EML1: variants seen among roughly 807,000 people sequenced by gnomAD.
EML1 encodes echinoderm microtubule-associated protein-like 1.
In EML1, 27 loss-of-function variants were observed where a neutral mutation model predicts 110.4. The observed-to-expected ratio is 0.24, with a 90% confidence interval of 0.18 to 0.34. EML1 has a LOEUF of 0.34. Among genes scored for constraint, EML1 ranks in the 10% least tolerant of loss-of-function variants. The pLI, the probability that EML1 is intolerant of heterozygous loss-of-function variation, is 1.00. For synonymous variants in EML1, 344 were observed against 385.8 expected, an observed-to-expected ratio of 0.89 and a Z score of 1.27; for missense variants, 741 against 1,030.9, an observed-to-expected ratio of 0.72 and a Z score of 3.85.
rs34680462 is a variant in EML1 at position 99,787,268 on chromosome 14, C to CTTTTT, written c.-27+13272_-27+13276dup. 2.0e-4 allele frequency among the ~76,000 whole-genome samples: 20 copies of CTTTTT among 101,606 alleles called. 1 individual carries two copies. Among genetic ancestry groups the CTTTTT allele is most frequent in the East Asian group, 5.9e-4 (2 of 3,386 alleles). The allele number at this position is 101,606 out of a possible 152,430, so 66.7% of individuals were successfully genotyped here. On this transcript the variant is annotated intron_variant, in intron 1 of 22. Transcript: ENST00000327921. ...ATAGTCAATTCTTGACTCTGAGATTCTTTTTTTTTTTTTTTTTTTTTGAGA... is the reference window on the plus strand; with the variant it reads ...ATAGTCAATTCTTGACTCTGAGATTCTTTTTTTTTTTTTTTTTTTTTTTTTTGAGA...
chr14:99,802,534 A>G (rs573180431), intron 1 of EML1, among the ~76,000 whole-genome samples: 32 of 151,978 alleles, frequency 2.1e-4, no homozygotes, highest in African/African-American at 6.8e-4. Flanking sequence ...CTTAGTGGGT[A>G]ACATCCTGTA....
At chr14:99,798,696 CT>C (rs1222914767) in intron 1 of EML1, among the ~76,000 whole-genome samples, 1 of 152,136 alleles carries the variant, frequency 6.6e-6, no homozygotes. Flanking sequence ...CTGGCCTATA[CT>C]TCTAATAATG....
At chr14:99,788,964 A>ACATGCTGATACATG (rs1237161551), upstream of EML1, among the ~76,000 whole-genome samples, 1 of 152,118 alleles carries the variant, frequency 6.6e-6, no homozygotes, top group Non-Finnish European at 1.5e-5. Flanking sequence ...ATGTCTTGAT[A>ACATGCTGATACATG]CATGCTGATA....
intron 8 of EML1, chr14:99,899,397 C>G (rs1302667300): frequency 6.6e-6 from 1 of 151,884 alleles, no homozygotes; most frequent in African/African-American, 2.4e-5. Flanking sequence ...GTCATTGCCA[C>G]CTCTGCCCCC....
chr14:99,901,573 C>A (rs1043489617), intron 9 of EML1, among the ~76,000 whole-genome samples: 1 of 152,164 alleles, frequency 6.6e-6, no homozygotes, highest in Non-Finnish European at 1.5e-5. Flanking sequence ...ATGACTATTT[C>A]TTGATGATAT....
chr14:99,856,080 C>T (rs1213770885), intron 2 of EML1, among the ~76,000 whole-genome samples: 2 of 152,168 alleles, frequency 1.3e-5, no homozygotes, highest in Non-Finnish European at 2.9e-5. Flanking sequence ...CACCCCTCCA[C>T]GTTTCTGTGA....
At chr14:99,883,939 C>T (rs1217264313) in intron 4 of EML1, among the ~76,000 whole-genome samples, 1 of 152,192 alleles carries the variant, frequency 6.6e-6, no homozygotes, top group Non-Finnish European at 1.5e-5. Context: ...ATCTTTTTGC[C>T]CTGATCACTA....
At chr14:99,796,435 T>C (rs1457964372) in intron 1 of EML1, among the ~76,000 whole-genome samples, 1 of 152,026 alleles carries the variant, frequency 6.6e-6, no homozygotes, top group Non-Finnish European at 1.5e-5. Context: ...AGAAAATGTG[T>C]GCATTGTTTT....
intron 1 of EML1, chr14:99,850,096 ATTTT>A: frequency 6.4e-6 from 2 of 312,822 alleles, no homozygotes; most frequent in South Asian, 2.6e-5. Flanking sequence ...CACCTGGCTA[ATTTT>A]TTTTTTTTTT....
chr14:99,751,063 T>G (rs2057169492), intron 1 of EML1, among the ~76,000 whole-genome samples: 1 of 151,834 alleles, frequency 6.6e-6, no homozygotes, highest in Admixed American at 6.6e-5. Flanking sequence ...AAAAAGAAAA[T>G]TAAAAGAAAC....
intron 1 of EML1, among the ~76,000 whole-genome samples, chr14:99,818,269 C>T (rs892375709): frequency 3.3e-5 from 5 of 152,070 alleles, no homozygotes; most frequent in Non-Finnish European, 7.4e-5. Flanking sequence ...GAATGGGATG[C>T]GGAGTGATGA....
intron 2 of EML1, 128 bp downstream of exon 2, chr14:99,851,163 T>C (rs2058792177): frequency 9.6e-7 from 1 of 1,045,094 alleles, no homozygotes; most frequent in African/African-American, 1.6e-5. Flanking sequence ...AAAACAGTCT[T>C]AGCACTGTCA....
At chr14:99,913,317 A>G (rs1447021141) in intron 13 of EML1, among the ~76,000 whole-genome samples, 2 of 151,916 alleles carry the variant, frequency 1.3e-5, no homozygotes, top group Non-Finnish European at 2.9e-5. Context: ...TCCAGCTACT[A>G]CACGCACCAC....
At chr14:99,805,161 C>T (rs2057949201) in intron 1 of EML1, among the ~76,000 whole-genome samples, 1 of 152,196 alleles carries the variant, frequency 6.6e-6, no homozygotes, top group Admixed American at 6.5e-5. Flanking sequence ...CCCCAGGCCA[C>T]GTGTCTCAGG....
chr14:99,802,212 G>A (rs1459815548), intron 1 of EML1, among the ~76,000 whole-genome samples: 1 of 152,106 alleles, frequency 6.6e-6, no homozygotes, highest in South Asian at 2.1e-4. Flanking sequence ...CTGAAAGAAG[G>A]TTGCCTGTGG....
At chr14:99,750,018 G>A (rs868435808) in intron 1 of EML1, among the ~76,000 whole-genome samples, 6 of 152,234 alleles carry the variant, frequency 3.9e-5, no homozygotes, top group South Asian at 2.1e-4. Flanking sequence ...GTGTCCTCCC[G>A]CGAGGTTGGC....
At chr14:99,870,420 C>T (rs1013660092) in intron 3 of EML1, among the ~76,000 whole-genome samples, 1 of 152,218 alleles carries the variant, frequency 6.6e-6, no homozygotes, top group African/African-American at 2.4e-5. Context: ...GAAGCTGCTA[C>T]AGGTTATGCA....
intron 3 of EML1, 41 bp from the exon 4 acceptor site, chr14:99,878,444 C>T (rs748074054): frequency 8.9e-5 from 139 of 1,558,856 alleles, no homozygotes; most frequent in Non-Finnish European, 1.1e-4. Context: ...AATAAAGTCA[C>T]GATATTAAGG....
chr14:99,937,098 C>T (rs776496802), intron 19 of EML1, among the ~76,000 whole-genome samples: 5 of 152,174 alleles, frequency 3.3e-5, no homozygotes, highest in Non-Finnish European at 7.3e-5. Context: ...CCCCAAGAGC[C>T]CACGGGGGTG....
Sources: allele counts gnomAD v4.1 joint callset (sites outside exome capture counted in the v4.1 genomes callset), GRCh38; gene constraint gnomAD v4.1.1; transcripts MANE v1.5; gene names NCBI Gene and HGNC (gene_info 2026-07-23, HGNC 2026-07-21).